NTM: variants seen among roughly 807,000 people sequenced by gnomAD.
The protein encoded by NTM is IgLON family member 2.
NTM carries 13 observed loss-of-function variants against 42.1 expected under a neutral mutation model. That is an observed-to-expected ratio of 0.31 (90% CI 0.20 to 0.49). The LOEUF (loss-of-function observed/expected upper bound fraction) is 0.49, where lower values mean the gene tolerates loss of function less well. NTM is among the 20% of genes least tolerant of loss of function. NTM has a pLI of 0.99. For missense variants in NTM, 373 were observed against 452.8 expected (o/e 0.82, Z 1.60); for synonymous variants, 187 against 179.2 (o/e 1.04, Z -0.35).
chr11:131,476,977 C>T (rs1397516916), intron 1 of NTM, among the ~76,000 whole-genome samples: 3 of 152,134 alleles, frequency 2.0e-5, no homozygotes, highest in Admixed American at 2.0e-4. Context: ...TTAGGGGGCA[C>T]TTGCTATGCA....
At chr11:132,309,976 A>C in intron 5 of NTM, 136 bp from the exon 6 acceptor site, 2 of 1,056,640 alleles carry the variant, frequency 1.9e-6, no homozygotes, top group Non-Finnish European at 2.6e-6. Flanking sequence ...GAATTGCTTG[A>C]ACCCGGGAGG....
chr11:132,119,162 C>T (rs1458019861), intron 2 of NTM, among the ~76,000 whole-genome samples: 2 of 152,168 alleles, frequency 1.3e-5, no homozygotes, highest in Non-Finnish European at 2.9e-5. Context: ...GAGCTTATTC[C>T]CAGAGGCTGT....
chr11:132,188,349 C>A (rs2078762809), intron 3 of NTM, among the ~76,000 whole-genome samples: 1 of 152,144 alleles, frequency 6.6e-6, no homozygotes, highest in Non-Finnish European at 1.5e-5. Context: ...GGGCCAGAAA[C>A]CTGTGTCTTG....
chr11:132,252,137 C>T (rs971820060), intron 4 of NTM, among the ~76,000 whole-genome samples: 1 of 151,494 alleles, frequency 6.6e-6, no homozygotes, highest in East Asian at 1.9e-4. Context: ...CAGGGCTGGC[C>T]GCTCAGCGTC....
chr11:131,729,402 A>T (rs1321522192), intron 1 of NTM, among the ~76,000 whole-genome samples: 1 of 152,136 alleles, frequency 6.6e-6, no homozygotes, highest in African/African-American at 2.4e-5. Context: ...AAACAAGTTA[A>T]TTTTCACAGT....
chr11:131,909,633 G>A (rs2054391251), intron 1 of NTM: 1 of 152,312 alleles, frequency 6.6e-6, no homozygotes, highest in African/African-American at 2.4e-5. Context: ...TGTGCCTGCT[G>A]AGCTGCTCTG....
At chr11:131,579,438 T>C (rs2058205848) in intron 1 of NTM, among the ~76,000 whole-genome samples, 1 of 152,222 alleles carries the variant, frequency 6.6e-6, no homozygotes, top group South Asian at 2.1e-4. Flanking sequence ...GGCAGTCCCC[T>C]AGAGTACTGT....
intron 4 of NTM, among the ~76,000 whole-genome samples, chr11:132,239,214 G>A (rs181247836): frequency 2.0e-5 from 3 of 152,298 alleles, no homozygotes; most frequent in African/African-American, 4.8e-5. Flanking sequence ...AGAAAGAATC[G>A]AAAGGGCTTG....
At chr11:132,063,863 T>C (rs957915489) in intron 2 of NTM, among the ~76,000 whole-genome samples, 10 of 152,180 alleles carry the variant, frequency 6.6e-5, no homozygotes, top group Admixed American at 6.5e-4. Context: ...ATAAGCCAGC[T>C]CCTCTCACCA....
intron 4 of NTM, among the ~76,000 whole-genome samples, chr11:132,298,172 G>A (rs1306185498): frequency 2.6e-5 from 4 of 152,310 alleles, no homozygotes; most frequent in African/African-American, 9.6e-5. Flanking sequence ...TCAGCACTCA[G>A]TACTGGCTTA....
At position 132,331,313 on chromosome 11, in the gene NTM, G is replaced by T. The variant is rs377011841; in HGVS notation, c.967+1128G>T. 4.2e-4 allele frequency among the ~76,000 whole-genome samples: 64 copies of T among 152,240 alleles called. No individual in the cohort carries two copies. The South Asian group carries it at 7.9e-3, about 19-fold the overall frequency. ...TTGTGATAGCTTTCCCAGTGCAAGC[G>T]CTCTATCTGAAATCCTAACTGACAT... On this transcript the variant is annotated intron_variant, in intron 8 of 8. Transcript: ENST00000683400.
rs554587038 is a variant in NTM, at chr11:131,873,622, T to C, written c.83-37942T>C. On this transcript the variant is annotated intron_variant, in intron 1 of 8. Transcript: ENST00000683400. ...TACATATATATATACCGTATATATA[T>C]ACATATATATATACACATATATATA... Among the ~76,000 whole-genome samples the C allele has an allele frequency of 9.2e-4, 67 of 72,642 alleles. 4 individuals carry two copies. Among genetic ancestry groups the C allele is most frequent in the Admixed American group, 6.2e-3 (41 of 6,608 alleles). 47.7% of individuals were successfully genotyped at this position (72,642 alleles called of 152,430 possible).
intron 3 of NTM, among the ~76,000 whole-genome samples, chr11:132,200,010 A>G (rs1407673868): frequency 6.6e-6 from 1 of 152,126 alleles, no homozygotes; most frequent in African/African-American, 2.4e-5. Flanking sequence ...CAGCACTGTG[A>G]CATTTCACAG....
chr11:132,109,169 G>A (rs1455421645), intron 2 of NTM, among the ~76,000 whole-genome samples: 2 of 145,698 alleles, frequency 1.4e-5, no homozygotes, highest in African/African-American at 5.2e-5. Context: ...AAACATACGT[G>A]TGCATGTGTC....
chr11:132,142,030 C>T (rs1293376469), intron 2 of NTM, among the ~76,000 whole-genome samples: 2 of 152,194 alleles, frequency 1.3e-5, no homozygotes, highest in African/African-American at 2.4e-5. Context: ...CCAGAATCCT[C>T]AAGGGAACCT....
chr11:131,506,381 G>A (rs2047493974), intron 1 of NTM, among the ~76,000 whole-genome samples: 1 of 152,172 alleles, frequency 6.6e-6, no homozygotes, highest in African/African-American at 2.4e-5. Context: ...CCTTCTGAAG[G>A]GTCGGGGTTA....
At chr11:131,765,134 G>A (rs2084905555) in intron 1 of NTM, among the ~76,000 whole-genome samples, 1 of 152,080 alleles carries the variant, frequency 6.6e-6, no homozygotes, top group Admixed American at 6.6e-5. Flanking sequence ...CCGTCCTCCT[G>A]GGACAAATCC....
chr11:131,916,570 A>G (rs543811688), intron 2 of NTM, among the ~76,000 whole-genome samples: 6 of 152,256 alleles, frequency 3.9e-5, no homozygotes, highest in African/African-American at 1.4e-4. Context: ...TGGTTTTGAT[A>G]CTTGAGAGGA....
intron 2 of NTM, among the ~76,000 whole-genome samples, chr11:131,940,771 G>A (rs2059708686): frequency 6.6e-6 from 1 of 152,200 alleles, no homozygotes; most frequent in Non-Finnish European, 1.5e-5. Flanking sequence ...AATATTCAGT[G>A]CAGAAGGGGA....
Sources: gnomAD v4.1 joint callset for allele counts (sites outside exome capture counted in the v4.1 genomes callset) on GRCh38, gnomAD v4.1.1 for gene constraint, MANE v1.5 for transcripts, NCBI Gene and HGNC (gene_info 2026-07-23, HGNC 2026-07-21) for gene names.